Variants in RERE observed in about 807,000 individuals in gnomAD.
RERE encodes arginine-glutamic acid dipeptide repeats, also known as arginine-glutamic acid dipeptide repeats protein.
Under a neutral mutation model 146.1 loss-of-function variants are expected in RERE, and 40 were observed. The observed-to-expected ratio is 0.27, with a 90% CI of 0.21 to 0.36. The LOEUF (loss-of-function observed/expected upper bound fraction) is 0.36, where lower values mean the gene tolerates loss of function less well. RERE is among the 10% of genes least tolerant of loss of function. The probability of loss-of-function intolerance (pLI) is 1.00; values close to 1 mark genes in which losing one functional copy is unlikely to be tolerated. For missense variants in RERE, 1,933 were observed against 2,138.7 expected, an observed-to-expected ratio of 0.90 and a Z score of 1.90; for synonymous variants, 1,003 against 866.0, an observed-to-expected ratio of 1.16 and a Z score of -2.78.
intron 12 of RERE, among the ~76,000 whole-genome samples, chr1:8,396,123 C>A (rs575710854): frequency 6.6e-6 from 1 of 152,320 alleles, no homozygotes; most frequent in African/African-American, 2.4e-5. Flanking sequence ...CACAGAACAA[C>A]TGAGCAGAGA....
In RERE at chr1:8,359,778, C is replaced by A. The variant is rs781199877; in HGVS notation, c.3604G>T (p.Ala1202Ser). The change falls in exon 19 of 23, where the codon GCA becomes TCA. Residue 1202 changes from alanine to serine, a missense_variant. Physicochemically the swap from Ala to Ser is moderately conservative, Grantham distance 99. Around this residue, in one of 11 missense-constraint regions of RERE, gnomAD observed 1,255 missense variants for 1,153.8 expected, o/e 1.09. Coordinates refer to ENST00000400908, the MANE Select transcript of RERE (RefSeq NM_001042681.2). ...REREREREREAERAAKASSSA... is the reference protein window; with the variant it reads ...RERERERERESERAAKASSSA... ...CCTGGACTCACAGCCGCCCGCTCTG[C>A]CTCGCGCTCCCGCTCTCGCTCCCGC... 3 of 1,600,770 alleles carry A rather than the reference C, an allele frequency of 1.9e-6. No homozygotes were observed. The African/African-American group carries it at 4.0e-5, about 21-fold the overall frequency.
chr1:8,573,772 T>C (rs1239113715), intron 4 of RERE, among the ~76,000 whole-genome samples: 3 of 152,218 alleles, frequency 2.0e-5, no homozygotes, highest in Admixed American at 6.5e-5. Context: ...AAAGTTTATG[T>C]CTAAGCATGG....
At chr1:8,415,877 G>A (rs1643745427) in intron 12 of RERE, among the ~76,000 whole-genome samples, 1 of 152,210 alleles carries the variant, frequency 6.6e-6, no homozygotes, top group Non-Finnish European at 1.5e-5. Flanking sequence ...TGTTTCTACT[G>A]GCAATCACTT....
At chr1:8,500,486 G>A (rs1245145238) in intron 8 of RERE, among the ~76,000 whole-genome samples, 1 of 152,234 alleles carries the variant, frequency 6.6e-6, no homozygotes, top group Non-Finnish European at 1.5e-5. Flanking sequence ...TGCTGGGATT[G>A]CAGACGGAGT....
At chr1:8,409,043 T>G (rs1301835011) in intron 12 of RERE, among the ~76,000 whole-genome samples, 1 of 152,212 alleles carries the variant, frequency 6.6e-6, no homozygotes, top group East Asian at 1.9e-4. Context: ...CTGAAATCAT[T>G]TCCCCACAGC....
chr1:8,537,947 T>TG (rs1338640472), intron 7 of RERE, among the ~76,000 whole-genome samples: 2 of 152,262 alleles, frequency 1.3e-5, no homozygotes, highest in Non-Finnish European at 2.9e-5. Context: ...ATTTCAGTGC[T>TG]GTTCAATATG....
At chr1:8,514,754 GAAAGA>G (rs1645391367) in intron 7 of RERE, among the ~76,000 whole-genome samples, 1 of 151,422 alleles carries the variant, frequency 6.6e-6, no homozygotes, top group Non-Finnish European at 1.5e-5. Context: ...GAAAAGAAAA[GAAAGA>G]AAAGACAAGA....
At chr1:8,535,864 T>C (rs1252490107) in intron 7 of RERE, among the ~76,000 whole-genome samples, 4 of 151,970 alleles carry the variant, frequency 2.6e-5, no homozygotes, top group Non-Finnish European at 5.9e-5. Flanking sequence ...TCCCAGCACT[T>C]TGGGAGGCTG....
intron 1 of RERE, among the ~76,000 whole-genome samples, chr1:8,667,758 C>T (rs1638611532): frequency 6.6e-6 from 1 of 152,184 alleles, no homozygotes; most frequent in Admixed American, 6.5e-5. Flanking sequence ...AAATGTGAAG[C>T]TTTTCCAATT....
intron 12 of RERE, among the ~76,000 whole-genome samples, chr1:8,368,554 G>C (rs532230620): frequency 6.6e-6 from 1 of 151,710 alleles, no homozygotes; most frequent in Non-Finnish European, 1.5e-5. Flanking sequence ...GACCAAAAAC[G>C]GGAGAGAAAA....
chr1:8,657,727 G>A (rs1380698940), intron 1 of RERE, among the ~76,000 whole-genome samples: 3 of 152,094 alleles, frequency 2.0e-5, no homozygotes, highest in African/African-American at 7.2e-5. Context: ...CACGCCTATA[G>A]TCCCAGCTAC....
At position 8,358,326 on chromosome 1, in the gene RERE, T is replaced by C. The variant is rs760107194; in HGVS notation, c.4209A>G (p.Ala1403=). ...CGCTGGTCAGCGATGCCATGCGCTC[T>C]GCGTGGATACGCTCGGCTGCCAGTC... ...PDRLAAERIH[A]ERMASLTSDP... The change falls in exon 20 of 23, where the codon GCA becomes GCG. Residue 1403 remains alanine (A), a synonymous_variant. Transcript: ENST00000400908. 7 of 1,613,424 alleles carry C rather than the reference T, an allele frequency of 4.3e-6. No individual in the cohort carries two copies. The highest frequency in any genetic ancestry group is 2.7e-5 in the African/African-American group (2 of 75,070).
intron 1 of RERE, among the ~76,000 whole-genome samples, chr1:8,740,703 C>A (rs1409314247): frequency 6.6e-6 from 1 of 152,104 alleles, no homozygotes; most frequent in Non-Finnish European, 1.5e-5. Context: ...AACTAACACA[C>A]ACACATTAGC....
intron 4 of RERE, among the ~76,000 whole-genome samples, chr1:8,604,510 T>G (rs1455945354): frequency 6.7e-6 from 1 of 149,650 alleles, no homozygotes; most frequent in Non-Finnish European, 1.5e-5. Context: ...CGGCTGGTTT[T>G]CAGTTTTGTT....
At chr1:8,718,082 T>G (rs1288302004) in intron 1 of RERE, among the ~76,000 whole-genome samples, 1 of 152,224 alleles carries the variant, frequency 6.6e-6, no homozygotes, top group East Asian at 1.9e-4. Context: ...GCATGCAATT[T>G]CAAGTCAGAA....
rs961477462 is a variant in RERE, at chr1:8,423,463, C to G, written c.1204-656G>C. 8.1e-6 allele frequency: 7 copies of G among 862,446 alleles called. No homozygotes were observed. The Admixed American group carries it at 4.3e-4, about 53-fold the overall frequency. The allele number at this position is 862,446 out of a possible 1,614,324, so 53.4% of individuals were successfully genotyped here. A position where few individuals can be genotyped will look rare whatever the true frequency, so the allele number is the denominator to read the frequency against. On this transcript the variant is annotated intron_variant, in intron 11 of 22. Transcript: ENST00000400908. The surrounding 1 kb of genome is among the most constrained non-coding windows in gnomAD (Gnocchi z 5.4). ...CCCCCATCCATTTTCGCAGCAGACT[C>G]GTCCCTAACCCCAGCCCGGAGACTT...
At chr1:8,696,371 G>C (rs1639330378) in intron 1 of RERE, among the ~76,000 whole-genome samples, 1 of 152,222 alleles carries the variant, frequency 6.6e-6, no homozygotes, top group South Asian at 2.1e-4. Context: ...CCAGCACTAT[G>C]GGAGGCAGAG....
chr1:8,798,927 G>C (rs1017411554), intron 1 of RERE, among the ~76,000 whole-genome samples: 1 of 151,932 alleles, frequency 6.6e-6, no homozygotes, highest in Non-Finnish European at 1.5e-5. Context: ...CCCAACCTCA[G>C]GTGATCCACC....
chr1:8,767,386 T>A (rs1412019688), intron 1 of RERE, among the ~76,000 whole-genome samples: 1 of 152,070 alleles, frequency 6.6e-6, no homozygotes, highest in Non-Finnish European at 1.5e-5. Context: ...GACAATTGCT[T>A]GAGCCAGAAT....
Sources: allele counts gnomAD v4.1 joint callset (sites outside exome capture counted in the v4.1 genomes callset), GRCh38; gene constraint gnomAD v4.1.1; regional missense constraint gnomAD v4.1.1; non-coding constraint Gnocchi (gnomAD v3.1); transcripts MANE v1.5; gene names NCBI Gene and HGNC (gene_info 2026-07-23, HGNC 2026-07-21).